KCNQ1: variants seen among roughly 807,000 people sequenced by gnomAD.
KCNQ1 encodes potassium voltage-gated channel subfamily Q member 1.
A neutral mutation model predicts 72.4 loss-of-function variants in KCNQ1; 49 were observed. The ratio of observed to expected loss-of-function variants is 0.68; its 90% confidence interval spans 0.54 to 0.86. KCNQ1 has a LOEUF of 0.86. Ranked by LOEUF, KCNQ1 falls within the 40% of genes least tolerant of loss-of-function variation. KCNQ1 has a pLI of 0.00. For missense variants in KCNQ1, 790 were observed against 945.1 expected (o/e 0.84, Z 2.15); for synonymous variants, 450 against 412.6 (o/e 1.09, Z -1.10).
Position 2,611,510 on chromosome 11 carries a change from C to A in KCNQ1, c.1393+22656C>A. 2.5e-6 allele frequency: 1 copy of A among 398,466 alleles called. No homozygotes were observed. The highest frequency in any genetic ancestry group is 4.4e-6 in the Non-Finnish European group (1 of 226,078). The allele number at this position is 398,466 out of a possible 1,614,324, so 24.7% of individuals were successfully genotyped here. On this transcript the variant is annotated intron_variant, in intron 10 of 15. Coordinates refer to ENST00000155840, the MANE Select transcript of KCNQ1 (RefSeq NM_000218.3). This position sits in a 1 kb window ranked among gnomAD's most constrained non-coding sequence, Gnocchi z 5.3. ...TACAGGTGTGAGCCACTGCACCCAG[C>A]CAATTTTGTCTGATTTTAGTACAGT...
intron 10 of KCNQ1, chr11:2,660,419 AAAAACAT>A: frequency 2.5e-6 from 1 of 398,644 alleles, no homozygotes; most frequent in East Asian, 3.6e-5. Context: ...GTATCACTTT[AAAAACAT>A]AAAACATTTT....
chr11:2,671,767 A>G lies in KCNQ1; in HGVS notation c.1514+9686A>G. 2.5e-6 allele frequency: 1 copy of G among 398,746 alleles called. No homozygotes were observed. 24.7% of individuals were successfully genotyped at this position (398,746 alleles called of 1,614,324 possible). On this transcript the variant is annotated intron_variant, in intron 11 of 15. Transcript: ENST00000155840. The surrounding 1 kb of genome is among the most constrained non-coding windows in gnomAD (Gnocchi z 4.7). The stretch of plus-strand genomic sequence containing the variant: ...GAGCTACATACACATACATGCATGC[A>G]CATAATCATTCTGACCCAGTCAGGG...
chr11:2,531,633 A>C (rs1847635108), intron 2 of KCNQ1, among the ~76,000 whole-genome samples: 1 of 152,124 alleles, frequency 6.6e-6, no homozygotes, highest in Non-Finnish European at 1.5e-5. Context: ...ACTGCCCTGC[A>C]GCTCCCTCTC....
intron 1 of KCNQ1, among the ~76,000 whole-genome samples, chr11:2,453,967 G>A (rs1334077025): frequency 6.6e-6 from 1 of 152,142 alleles, no homozygotes; most frequent in Admixed American, 6.5e-5. Flanking sequence ...GCAGGGTCTT[G>A]CTGTGTTGGC....
chr11:2,650,334 G>A, intron 10 of KCNQ1: 1 of 398,386 alleles, frequency 2.5e-6, no homozygotes, highest in Admixed American at 4.4e-5. Flanking sequence ...TTCCCCCCAA[G>A]TTTTTTGTGT....
At chr11:2,557,105 A>T (rs1287929921) in intron 2 of KCNQ1, among the ~76,000 whole-genome samples, 2 of 152,232 alleles carry the variant, frequency 1.3e-5, no homozygotes, top group Non-Finnish European at 2.9e-5. Context: ...TGGGTGGTTG[A>T]AAAATAAAGG....
At chr11:2,604,933 G>A (rs1034011091) in intron 10 of KCNQ1, among the ~76,000 whole-genome samples, 1 of 152,192 alleles carries the variant, frequency 6.6e-6, no homozygotes, top group African/African-American at 2.4e-5. Context: ...CACTGCGCAA[G>A]TTCTCCATAT....
chr11:2,733,814 A>ACACACTCACACACTCTCT, intron 11 of KCNQ1, among the ~76,000 whole-genome samples: 3 of 86,658 alleles, frequency 3.5e-5, no homozygotes, highest in African/African-American at 1.3e-4. Context: ...ACACACACAC[A>ACACACTCACACACTCTCT]CTCTCTCACT....
Position 2,748,277 on chromosome 11 carries a change from A to G in KCNQ1, c.1515-20567A>G, listed in dbSNP as rs1379359371. Among the ~76,000 whole-genome samples, 3 of 152,100 alleles carry G rather than the reference A, an allele frequency of 2.0e-5. No individual in the cohort carries two copies. Among genetic ancestry groups the G allele is most frequent in the African/African-American group, 7.2e-5 (3 of 41,422 alleles). On this transcript the variant is annotated intron_variant, in intron 11 of 15. Coordinates refer to ENST00000155840, the MANE Select transcript of KCNQ1 (RefSeq NM_000218.3). This position sits in a 1 kb window ranked among gnomAD's most constrained non-coding sequence, Gnocchi z 6.2. ...CCTCAGGAATGCTGGTGAAGCTGGC[A>G]TGCCCCCACCCCCTAGCTCACCCTG...
intron 11 of KCNQ1, among the ~76,000 whole-genome samples, chr11:2,741,671 T>G (rs907035189): frequency 6.6e-6 from 1 of 152,224 alleles, no homozygotes; most frequent in African/African-American, 2.4e-5. Context: ...ACCACTGGCC[T>G]GCAATTATCA....
At chr11:2,797,514 C>G (rs1326426467) in intron 15 of KCNQ1, among the ~76,000 whole-genome samples, 4 of 152,202 alleles carry the variant, frequency 2.6e-5, no homozygotes, top group Admixed American at 6.5e-5. Context: ...CGTGGCTGTA[C>G]CAGCCCTGCA....
At position 2,847,829 on chromosome 11, in the gene KCNQ1, G is replaced by A. The variant is rs1402135145; in HGVS notation, c.1857G>A (p.Leu619=). Residue 619 remains leucine, a synonymous_variant, in exon 16 of 16, where the codon TTG becomes TTA. Coordinates refer to ENST00000155840, the MANE Select transcript of KCNQ1 (RefSeq NM_000218.3). The part of the protein sequence containing the change: ...ITDMLHQLLS[L]HGGSTPGSGG... ...ACATGCTTCACCAGCTGCTCTCCTT[G>A]CACGGTGGCAGCACCCCCGGCAGCG... The A allele has an allele frequency of 6.4e-6, 10 of 1,568,192 alleles. No homozygotes were observed. Among genetic ancestry groups the A allele is most frequent in the Non-Finnish European group, 6.9e-6 (8 of 1,156,180 alleles).
Position 2,624,412 on chromosome 11 carries a change from T to C in KCNQ1, c.1393+35558T>C. ...GTATGTTTTACAGAGCAGAAACTTT[T>C]ATTTTTAACAAAGTCTAGCTTATCA... On this transcript the variant is annotated intron_variant, in intron 10 of 15. Transcript: ENST00000155840. The surrounding 1 kb of genome is among the most constrained non-coding windows in gnomAD (Gnocchi z 4.9). 2.5e-6 allele frequency: 1 copy of C among 398,522 alleles called. No homozygotes were observed. The highest frequency in any genetic ancestry group is 2.1e-5 in the African/African-American group (1 of 48,754). 24.7% of individuals were successfully genotyped at this position (398,522 alleles called of 1,614,324 possible).
Position 2,847,926 on chromosome 11 carries a change from C to T in KCNQ1, c.1954C>T (p.Leu652Phe). The T allele has an allele frequency of 6.3e-7, 1 of 1,575,606 alleles. No homozygotes were observed. Among genetic ancestry groups the T allele is most frequent in the South Asian group, 1.2e-5 (1 of 86,292 alleles). The change falls in exon 16 of 16, where the codon CTC (leucine) becomes TTC (phenylalanine). Residue 652 changes from leucine to phenylalanine, a missense_variant. By Grantham distance (22) the Leu-to-Phe change is conservative (BLOSUM62 0). This residue lies in a region of KCNQ1 where 94 missense variants were observed against 85.2 expected (regional missense o/e 1.10). Coordinates refer to ENST00000155840, the MANE Select transcript of KCNQ1 (RefSeq NM_000218.3). ...CAGTGGCGGCTCCGTCGACCCTGAG[C>T]TCTTCCTGCCCAGCAACACCCTGCC... ...CGSGGSVDPELFLPSNTLPTY... is the reference protein window; with the variant it reads ...CGSGGSVDPEFFLPSNTLPTY...
rs1392743326 is a variant in KCNQ1, at chr11:2,785,837, A to T, written c.1794+7800A>T. Among the ~76,000 whole-genome samples, 1 of 152,094 alleles carries T rather than the reference A, an allele frequency of 6.6e-6. No homozygotes were observed. The highest frequency in any genetic ancestry group is 1.5e-5 in the Non-Finnish European group (1 of 67,924). On this transcript the variant is annotated intron_variant, in intron 15 of 15. Coordinates refer to ENST00000155840, the MANE Select transcript of KCNQ1 (RefSeq NM_000218.3). This position sits in a 1 kb window ranked among gnomAD's most constrained non-coding sequence, Gnocchi z 4.4. ...GAAAGGTTAACCTAGAACATTTTAA[A>T]TGAATATATATCAGAAGTAATTGCT...
chr11:2,781,055 G>A lies in KCNQ1; in HGVS notation c.1794+3018G>A, dbSNP rs1846814665. On this transcript the variant is annotated intron_variant, in intron 15 of 15. Transcript: ENST00000155840. This position sits in a 1 kb window ranked among gnomAD's most constrained non-coding sequence, Gnocchi z 6.6. ...AGATCCAGGGGCCTCCTCACAGCGA[G>A]TCTACTTCCTGCGGGCCTCCCTCCC... Among the ~76,000 whole-genome samples the A allele has an allele frequency of 6.6e-6, 1 of 152,104 alleles. No homozygotes were observed. Among genetic ancestry groups the A allele is most frequent in the South Asian group, 2.1e-4 (1 of 4,826 alleles).
chr11:2,653,458 A>G lies in KCNQ1; in HGVS notation c.1394-8503A>G, dbSNP rs1187081583. On this transcript the variant is annotated intron_variant, in intron 10 of 15. Transcript: ENST00000155840. The surrounding 1 kb of genome is among the most constrained non-coding windows in gnomAD (Gnocchi z 5.3). ...ACAAAAGGGACATTTTTTGGCTCAC[A>G]CAGCTGGACCCAGCTGTTTCAGACA... 2 of 397,638 alleles carry G rather than the reference A, an allele frequency of 5.0e-6. No individual in the cohort carries two copies. The highest frequency in any genetic ancestry group is 7.1e-5 in the East Asian group (2 of 28,038). 24.6% of individuals were successfully genotyped at this position (397,638 alleles called of 1,614,324 possible).
At chr11:2,574,531 C>G (rs867393267) in intron 6 of KCNQ1, among the ~76,000 whole-genome samples, 1 of 152,170 alleles carries the variant, frequency 6.6e-6, no homozygotes, top group East Asian at 1.9e-4. Context: ...CCGTCTGCCC[C>G]GAGTCCTCCT....
rs1423709803 is a variant in KCNQ1, at chr11:2,715,928, T to A, written c.1515-52916T>A. On this transcript the variant is annotated intron_variant, in intron 11 of 15. Coordinates refer to ENST00000155840, the MANE Select transcript of KCNQ1 (RefSeq NM_000218.3). This position sits in a 1 kb window ranked among gnomAD's most constrained non-coding sequence, Gnocchi z 4.9. ...GGGGTGGCCAGAGTGGGAACCATGG[T>A]GATGCAAACCATAAACCTGTCCCCC... Among the ~76,000 whole-genome samples the A allele has an allele frequency of 1.3e-5, 2 of 152,134 alleles. No individual in the cohort carries two copies. Among genetic ancestry groups the A allele is most frequent in the Non-Finnish European group, 2.9e-5 (2 of 68,010 alleles).
Sources: gnomAD v4.1 joint callset for allele counts (sites outside exome capture counted in the v4.1 genomes callset) on GRCh38, gnomAD v4.1.1 for gene constraint, gnomAD v4.1.1 regional missense constraint, Gnocchi (gnomAD v3.1) non-coding constraint, MANE v1.5 for transcripts, NCBI Gene and HGNC (gene_info 2026-07-23, HGNC 2026-07-21) for gene names.